NLGN1: variants seen among roughly 807,000 people sequenced by gnomAD.
NLGN1 encodes neuroligin-1.
A neutral mutation model predicts 65.5 loss-of-function variants in NLGN1; 12 were observed. That is an observed-to-expected ratio of 0.18 (90% CI 0.12 to 0.30). The LOEUF (loss-of-function observed/expected upper bound fraction) is 0.30, where lower values mean the gene tolerates loss of function less well. NLGN1 is among the 10% of genes least tolerant of loss of function. The probability of loss-of-function intolerance (pLI) is 1.00; values close to 1 mark genes in which losing one functional copy is unlikely to be tolerated. For missense variants in NLGN1, 750 were observed against 1,007.1 expected (o/e 0.74, Z 3.46); for synonymous variants, 350 against 359.5 (o/e 0.97, Z 0.30).
chr3:173,727,027 A>G (rs968385863), intron 3 of NLGN1, among the ~76,000 whole-genome samples: 2 of 152,036 alleles, frequency 1.3e-5, no homozygotes, highest in South Asian at 2.1e-4. Context: ...ACAGAAAAGG[A>G]GAGAGAAAGA....
chr3:173,653,432 AG>A (rs1322150965), intron 3 of NLGN1, among the ~76,000 whole-genome samples: 1 of 152,110 alleles, frequency 6.6e-6, no homozygotes, highest in Non-Finnish European at 1.5e-5. Context: ...TAGTTTGTTA[AG>A]GGTCTTCATC....
chr3:173,909,148 T>C (rs1008319686), intron 4 of NLGN1, among the ~76,000 whole-genome samples: 6 of 152,078 alleles, frequency 3.9e-5, no homozygotes, highest in Non-Finnish European at 7.4e-5. Flanking sequence ...TTCTATTAGC[T>C]AGTCACTAAG....
intron 4 of NLGN1, among the ~76,000 whole-genome samples, chr3:174,219,200 C>T (rs1055254135): frequency 6.6e-6 from 1 of 152,026 alleles, no homozygotes; most frequent in African/African-American, 2.4e-5. Flanking sequence ...GAGTAGGAAC[C>T]AGGAACCCAT....
chr3:173,644,563 G>T, intron 3 of NLGN1: 1 of 165,652 alleles, frequency 6.0e-6, no homozygotes, highest in South Asian at 1.8e-4. Context: ...TTGACTTCAT[G>T]GGCCTATCAC....
intron 4 of NLGN1, among the ~76,000 whole-genome samples, chr3:174,265,644 A>G (rs1747947246): frequency 2.0e-5 from 3 of 151,962 alleles, no homozygotes; most frequent in South Asian, 4.2e-4. Context: ...CGTCTTCTGC[A>G]TCACTCATGC....
At chr3:173,936,290 A>G (rs1368733897) in intron 4 of NLGN1, among the ~76,000 whole-genome samples, 1 of 152,010 alleles carries the variant, frequency 6.6e-6, no homozygotes, top group Non-Finnish European at 1.5e-5. Flanking sequence ...ATGGCCATGT[A>G]GATGCCTACC....
intron 4 of NLGN1, among the ~76,000 whole-genome samples, chr3:173,841,941 G>A (rs992827252): frequency 2.0e-5 from 3 of 152,102 alleles, no homozygotes; most frequent in Non-Finnish European, 4.4e-5. Context: ...GAGGAAAAAA[G>A]CAGCCTGTAT....
At chr3:174,086,347 G>A (rs1315164795) in intron 4 of NLGN1, among the ~76,000 whole-genome samples, 2 of 1,412 alleles carry the variant, frequency 1.4e-3, no homozygotes, top group East Asian at 0.017. Context: ...GCATATGACC[G>A]GTTTTTGGAT....
At chr3:174,192,098 G>T (rs140970784) in intron 4 of NLGN1, among the ~76,000 whole-genome samples, 1 of 151,814 alleles carries the variant, frequency 6.6e-6, no homozygotes, top group Non-Finnish European at 1.5e-5. Context: ...ATCATATTCC[G>T]TTGTATATTT....
intron 2 of NLGN1, among the ~76,000 whole-genome samples, chr3:173,531,009 T>C (rs115368571): frequency 0.024 from 3,615 of 152,264 alleles, 56 homozygotes; most frequent in Middle Eastern, 0.048. Context: ...CTTCTAAAAT[T>C]CTCACTTTCA....
intron 4 of NLGN1, among the ~76,000 whole-genome samples, chr3:174,128,592 C>G (rs1460778164): frequency 6.6e-6 from 1 of 151,994 alleles, no homozygotes; most frequent in African/African-American, 2.4e-5. Context: ...TAAAAGCAGC[C>G]CCAAAGTCCA....
chr3:173,820,339 T>G (rs556359087), intron 4 of NLGN1, among the ~76,000 whole-genome samples: 1 of 152,322 alleles, frequency 6.6e-6, no homozygotes, highest in East Asian at 1.9e-4. Context: ...TAGCTATTTC[T>G]ACATTTCCCA....
chr3:173,991,270 A>G (rs1721040890), intron 4 of NLGN1, among the ~76,000 whole-genome samples: 3 of 152,208 alleles, frequency 2.0e-5, no homozygotes, highest in South Asian at 4.1e-4. Flanking sequence ...AATAATTGAT[A>G]TAATTTAATA....
intron 4 of NLGN1, among the ~76,000 whole-genome samples, chr3:173,822,746 C>T (rs927245945): frequency 6.6e-6 from 1 of 151,924 alleles, no homozygotes; most frequent in Non-Finnish European, 1.5e-5. Context: ...TGTGGCTTGC[C>T]AAGTTCATCA....
At position 174,141,872 on chromosome 3, in the gene NLGN1, A is replaced by C. The variant is rs75201314; in HGVS notation, c.647-133443A>C. On this transcript the variant is annotated intron_variant, in intron 4 of 6. Transcript: ENST00000457714. ...TGGTTTATATTTTAGTTTTTAAATT[A>C]AATGTTAAACACATGAAAAATGTTA... is the stretch of plus-strand genomic sequence containing the variant. Among the ~76,000 whole-genome samples, 544 of 152,378 alleles carry C rather than the reference A, an allele frequency of 3.6e-3. 1 individual carries two copies. Among genetic ancestry groups the C allele is most frequent in the African/African-American group, 0.013 (525 of 41,592 alleles).
intron 3 of NLGN1, among the ~76,000 whole-genome samples, chr3:173,623,088 GT>G (rs1210487600): frequency 2.0e-5 from 3 of 151,900 alleles, no homozygotes; most frequent in Non-Finnish European, 4.4e-5. Context: ...CCAGCACCGT[GT>G]TTTTTTTCAT....
intron 3 of NLGN1, among the ~76,000 whole-genome samples, chr3:173,787,295 T>C (rs1044855455): frequency 1.3e-5 from 2 of 152,208 alleles, no homozygotes; most frequent in Non-Finnish European, 2.9e-5. Flanking sequence ...GTTTCTATCT[T>C]TCTATACTAA....
At chr3:174,170,700 A>AT (rs1481794425) in intron 4 of NLGN1, among the ~76,000 whole-genome samples, 3 of 152,204 alleles carry the variant, frequency 2.0e-5, no homozygotes, top group African/African-American at 7.2e-5. Context: ...GCACTAGCTA[A>AT]TGTGCATAAC....
intron 4 of NLGN1, among the ~76,000 whole-genome samples, chr3:174,228,498 A>T (rs1740122097): frequency 6.6e-6 from 1 of 152,122 alleles, no homozygotes; most frequent in Non-Finnish European, 1.5e-5. Flanking sequence ...ACATCAGTGT[A>T]TTTTCTGTAC....
Sources: gnomAD v4.1 joint callset for allele counts (sites outside exome capture counted in the v4.1 genomes callset) on GRCh38, gnomAD v4.1.1 for gene constraint, MANE v1.5 for transcripts, NCBI Gene and HGNC (gene_info 2026-07-23, HGNC 2026-07-21) for gene names.